The following NBPF15 variants were observed in gnomAD, a reference collection of about 807,000 sequenced individuals.
NBPF15 encodes the protein NBPF member 15.
NBPF15 carries 74 observed loss-of-function variants against 62.2 expected under a neutral mutation model. The observed-to-expected ratio is 1.19, with a 90% CI of 0.99 to 1.44. The LOEUF is 1.44. Among genes scored for constraint, NBPF15 ranks in the 40% most tolerant of loss-of-function variants. The probability of loss-of-function intolerance (pLI) is 0.00; values close to 1 mark genes in which losing one functional copy is unlikely to be tolerated. For synonymous variants in NBPF15, 244 were observed against 209.7 expected, an observed-to-expected ratio of 1.16 and a Z score of -1.41; for missense variants, 790 against 550.0, an observed-to-expected ratio of 1.44 and a Z score of -4.36.
chr1:144,447,079 C>T (rs1325688009), intron 6 of NBPF15, among the ~76,000 whole-genome samples: 44 of 152,230 alleles, frequency 2.9e-4, no homozygotes, highest in Admixed American at 1.5e-3. Context: ...AAGGAAATCC[C>T]TCCCGCCTTG....
At chr1:144,432,000 A>G (rs1332720272) in intron 13 of NBPF15, among the ~76,000 whole-genome samples, 1 of 151,644 alleles carries the variant, frequency 6.6e-6, no homozygotes, top group East Asian at 1.9e-4. Context: ...TCATTTGGGT[A>G]CACACCCAGT....
At chr1:144,453,363 A>G (rs1184709684) in intron 4 of NBPF15, among the ~76,000 whole-genome samples, 2 of 151,970 alleles carry the variant, frequency 1.3e-5, no homozygotes, top group Non-Finnish European at 2.9e-5. Flanking sequence ...AAGGTGCAAA[A>G]CCATAAGAAT....
intron 4 of NBPF15, among the ~76,000 whole-genome samples, chr1:144,451,311 T>G (rs1261704122): frequency 1.3e-5 from 2 of 151,976 alleles, no homozygotes; most frequent in Non-Finnish European, 2.9e-5. Flanking sequence ...TCTCAGTAGA[T>G]GGGATATACA....
chr1:144,439,652 C>T (rs1681370293), intron 8 of NBPF15, among the ~76,000 whole-genome samples, 177 bp downstream of exon 8: 11 of 151,548 alleles, frequency 7.3e-5, no homozygotes, highest in Admixed American at 6.6e-4. Context: ...TGGAAAGTTG[C>T]TAAATACTTT....
intron 3 of NBPF15, among the ~76,000 whole-genome samples, chr1:144,457,246 T>A (rs1266853163): frequency 2.6e-5 from 4 of 152,044 alleles, no homozygotes; most frequent in African/African-American, 4.8e-5. Context: ...TGAACAAGAA[T>A]TCGATTCTTT....
At chr1:144,434,865 G>T (rs587623623) in intron 12 of NBPF15, among the ~76,000 whole-genome samples, 14 of 152,132 alleles carry the variant, frequency 9.2e-5, no homozygotes, top group African/African-American at 3.4e-4. Flanking sequence ...GATATGGCCT[G>T]TGCACCTCCT....
intron 6 of NBPF15, among the ~76,000 whole-genome samples, chr1:144,442,149 T>A (rs1209095331): frequency 4.4e-4 from 3 of 6,888 alleles, no homozygotes; most frequent in African/African-American, 9.8e-4. Context: ...ATATATATAA[T>A]ATATATACAC....
chr1:144,424,618 A>G (rs61812434), intron 20 of NBPF15, 72 bp downstream of exon 20: 1 of 658,642 alleles, frequency 1.5e-6, no homozygotes, highest in Non-Finnish European at 2.7e-6. Context: ...GTAATGGCCA[A>G]TTGGAGCAGG....
intron 21 of NBPF15, 145 bp from the exon 22 acceptor site, chr1:144,423,401 C>G (rs61812439): frequency 6.5e-7 from 1 of 1,534,218 alleles, no homozygotes; most frequent in South Asian, 1.2e-5. Flanking sequence ...AAATTTATTG[C>G]CTTTATGTTG....
At chr1:144,432,557 G>A (rs1408808020) in intron 13 of NBPF15, among the ~76,000 whole-genome samples, 5 of 151,930 alleles carry the variant, frequency 3.3e-5, no homozygotes, top group Admixed American at 3.3e-4. Flanking sequence ...CTGTACTCAG[G>A]AAACCCATCT....
intron 9 of NBPF15, 65 bp from the exon 10 acceptor site, chr1:144,437,174 A>C (rs1441521353): frequency 2.1e-6 from 3 of 1,416,756 alleles, no homozygotes; most frequent in Non-Finnish European, 3.0e-6. Flanking sequence ...CAAATATTGC[A>C]ACAGAGATTT....
chr1:144,457,479 C>A (rs1222630358), intron 3 of NBPF15, among the ~76,000 whole-genome samples: 1 of 152,024 alleles, frequency 6.6e-6, no homozygotes, highest in Non-Finnish European at 1.5e-5. Flanking sequence ...TGTGACTCTG[C>A]TGTATACAAG....
chr1:144,436,997 G>A lies in NBPF15; in HGVS notation c.391C>T (p.Leu131Phe), dbSNP rs1679013249. Reference protein sequence around the residue: ...RSLNEHLQALLTPDEPDKSQG... With the variant: ...RSLNEHLQALFTPDEPDKSQG... ...GACTTGTCCGGCTCATCCGGAGTGA[G>A]GAGGGCCTGGAGATGCTCATTCAAT... Residue 131 changes from leucine to phenylalanine, a missense_variant, in exon 10 of 22, where the codon CTC becomes TTC. Leu to Phe is a conservative substitution (Grantham distance 22). Coordinates refer to ENST00000581897, the MANE Select transcript of NBPF15 (RefSeq NM_001385408.1). 2.1e-6 allele frequency: 3 copies of A among 1,432,452 alleles called. No homozygotes were observed. The highest frequency in any genetic ancestry group is 1.7e-5 in the Admixed American group (1 of 59,722). The allele number at this position is 1,432,452 out of a possible 1,614,324, so 88.7% of individuals were successfully genotyped here. A position where few individuals can be genotyped will look rare whatever the true frequency, so the allele number is the denominator to read the frequency against.
chr1:144,434,374 A>G (rs2101975673), intron 12 of NBPF15, among the ~76,000 whole-genome samples: 1 of 147,838 alleles, frequency 6.8e-6, no homozygotes, highest in Non-Finnish European at 1.5e-5. Flanking sequence ...GATGTTGTGC[A>G]CCTGTGGTCC....
chr1:144,450,446 C>A (rs1177499524), intron 5 of NBPF15, among the ~76,000 whole-genome samples: 1 of 151,946 alleles, frequency 6.6e-6, no homozygotes, highest in Non-Finnish European at 1.5e-5. Flanking sequence ...CCTCAGCCCC[C>A]CACAAACAAG....
intron 13 of NBPF15, among the ~76,000 whole-genome samples, chr1:144,431,961 A>G (rs1231526462): frequency 1.3e-5 from 2 of 150,768 alleles, no homozygotes; most frequent in East Asian, 3.9e-4. Context: ...ATATGTGTGC[A>G]TGTGTCTTTA....
At chr1:144,455,163 G>C (rs1693669848) in intron 4 of NBPF15, among the ~76,000 whole-genome samples, 1 of 149,220 alleles carries the variant, frequency 6.7e-6, no homozygotes, top group Non-Finnish European at 1.5e-5. Context: ...GAGGAAGGCA[G>C]GGAGGGAGAG....
chr1:144,445,664 C>G (rs1209574563), intron 6 of NBPF15, among the ~76,000 whole-genome samples: 4 of 151,104 alleles, frequency 2.6e-5, no homozygotes, highest in Middle Eastern at 3.5e-3. Flanking sequence ...CAAAATGCCG[C>G]TTGGAATTAT....
chr1:144,445,877 AAC>A (rs1553543912), intron 6 of NBPF15, among the ~76,000 whole-genome samples: 1 of 132,972 alleles, frequency 7.5e-6, no homozygotes, highest in East Asian at 2.1e-4. Flanking sequence ...TTTTTTTTGA[AAC>A]AGAGTCTTGC....
Sources: allele counts gnomAD v4.1 joint callset (sites outside exome capture counted in the v4.1 genomes callset), GRCh38; gene constraint gnomAD v4.1.1; transcripts MANE v1.5; gene names NCBI Gene and HGNC (gene_info 2026-07-23, HGNC 2026-07-21).